Variants in SH3TC2 observed in about 807,000 individuals in gnomAD.
SH3TC2 encodes SH3 domain and tetratricopeptide repeat-containing protein 2.
In SH3TC2, 87 loss-of-function variants were observed where a neutral mutation model predicts 124.5. The ratio of observed to expected loss-of-function variants is 0.70; its 90% CI spans 0.59 to 0.84. SH3TC2 has a LOEUF of 0.84. SH3TC2 is among the 40% of genes least tolerant of loss of function. The pLI is 0.00. For missense variants in SH3TC2, 1,536 were observed against 1,566.4 expected (o/e 0.98, Z 0.33); for synonymous variants, 634 against 628.5 (o/e 1.01, Z -0.13).
chr5:149,019,841 A>G (rs934244860), intron 12 of SH3TC2, among the ~76,000 whole-genome samples: 2 of 152,156 alleles, frequency 1.3e-5, no homozygotes, highest in Non-Finnish European at 2.9e-5. Flanking sequence ...TGGTAGCTGG[A>G]AAAACCAGCA....
rs374572539 is a variant in SH3TC2 at position 149,027,377 on chromosome 5, C to T, written c.2355G>A (p.Val785=). Residue 785 remains valine (V), a synonymous_variant, in exon 11 of 17, where the codon GTG becomes GTA. Coordinates refer to ENST00000515425, the MANE Select transcript of SH3TC2 (RefSeq NM_024577.4). ...GAIHYLSQAL[V]LGQLLGEQES... ...CCTGCTCACCCAGCAGCTGCCCTAG[C>T]ACCAAGGCCTGGCTCAGGTAGTGGA... 3 of 1,614,014 alleles carry T rather than the reference C, an allele frequency of 1.9e-6. No individual in the cohort carries two copies. Among genetic ancestry groups the T allele is most frequent in the African/African-American group, 1.3e-5 (1 of 74,958 alleles).
rs999300054 is a variant in SH3TC2, at chr5:148,999,026, T to C, written c.*5685A>G. ...TAAGAATCTACTCAGTTCTGCTTCATTGTGACAGCTACCACCAATTGACAT... is the reference window on the plus strand; with the variant it reads ...TAAGAATCTACTCAGTTCTGCTTCACTGTGACAGCTACCACCAATTGACAT... On this transcript the variant is annotated 3_prime_UTR_variant, in exon 17 of 17. Transcript: ENST00000515425. Among the ~76,000 whole-genome samples, 2 of 152,232 alleles carry C rather than the reference T, an allele frequency of 1.3e-5. No individual in the cohort carries two copies. Among genetic ancestry groups the C allele is most frequent in the African/African-American group, 2.4e-5 (1 of 41,456 alleles).
At chr5:149,026,325 A>T (rs1445968720) in intron 12 of SH3TC2, 1 of 564,904 alleles carries the variant, frequency 1.8e-6, no homozygotes, top group African/African-American at 1.9e-5. Context: ...TAACACTATA[A>T]GATAGATGCC....
At chr5:149,050,212 G>A (rs193020412) in intron 2 of SH3TC2, among the ~76,000 whole-genome samples, 9 of 152,302 alleles carry the variant, frequency 5.9e-5, no homozygotes, top group Non-Finnish European at 1.2e-4. Flanking sequence ...TGCCCACAGT[G>A]GGATCCTACA....
At position 148,985,423 on chromosome 5, in the gene SH3TC2, C is replaced by T. The variant is rs1000351456; in HGVS notation, c.*19288G>A. On this transcript the variant is annotated 3_prime_UTR_variant, in exon 17 of 17. Transcript: ENST00000515425. The stretch of plus-strand genomic sequence containing the variant: ...TCACAGCACAGATCTGTTTGCTGAT[C>T]CTGTAGTTTTTAAAATGCCATATGG... Among the ~76,000 whole-genome samples the T allele has an allele frequency of 6.6e-5, 10 of 152,262 alleles. No individual in the cohort carries two copies. The highest frequency in any genetic ancestry group is 2.4e-4 in the African/African-American group (10 of 41,564).
At chr5:149,049,199 C>T (rs1399561514) in intron 2 of SH3TC2, among the ~76,000 whole-genome samples, 1 of 152,176 alleles carries the variant, frequency 6.6e-6, no homozygotes. Context: ...CCATGCAGTT[C>T]CTCCTAGGCT....
At position 149,006,895 on chromosome 5, in the gene SH3TC2, A is replaced by C; in HGVS notation, c.3661T>G (p.Phe1221Val). 2 of 1,613,812 alleles carry C rather than the reference A, an allele frequency of 1.2e-6. No homozygotes were observed. Among genetic ancestry groups the C allele is most frequent in the Non-Finnish European group, 1.7e-6 (2 of 1,179,984 alleles). The stretch of plus-strand genomic sequence containing the variant: ...CTGGCTCTTACCTTCAGCTGGCAGA[A>C]GGTGAGTCTGCCCAGGCGATAATAC... ...KVYYRLGRLT[F>V]CQLKDAHDAT... The change falls in exon 16 of 17, where the codon TTC becomes GTC. Residue 1221 changes from phenylalanine to valine, a missense_variant. Physicochemically the swap from Phe to Val is conservative, Grantham distance 50. Around this residue, in one of 3 missense-constraint regions of SH3TC2, gnomAD observed 426 missense variants for 443.5 expected, o/e 0.96. Transcript: ENST00000515425.
In SH3TC2 at chr5:148,986,697, G is replaced by A. The variant is rs1042272258; in HGVS notation, c.*18014C>T. 2.0e-5 allele frequency among the ~76,000 whole-genome samples: 3 copies of A among 152,190 alleles called. No individual in the cohort carries two copies. Among genetic ancestry groups the A allele is most frequent in the Middle Eastern group, 3.4e-3 (1 of 294 alleles). On this transcript the variant is annotated 3_prime_UTR_variant, in exon 17 of 17. Transcript: ENST00000515425. ...GACAAATTATTAAGCCACTTGTTAG[G>A]GTGACTTGTAGGCATCATAATAAGC... is the stretch of plus-strand genomic sequence containing the variant.
chr5:149,005,371 A>G (rs1354256798), intron 16 of SH3TC2, among the ~76,000 whole-genome samples: 1 of 152,226 alleles, frequency 6.6e-6, no homozygotes, highest in Non-Finnish European at 1.5e-5. Flanking sequence ...GAGTCAAGGA[A>G]TACAATGAGA....
At position 148,992,600 on chromosome 5, in the gene SH3TC2, G is replaced by GTTTTTT. The variant is rs35182601; in HGVS notation, c.*12105_*12110dup. The stretch of plus-strand genomic sequence containing the variant: ...ATAATTCCAAGAAGAGATTTCATTG[G>GTTTTTT]TTTTTTTTTTTTTTTTTTTTTTCAG... On this transcript the variant is annotated 3_prime_UTR_variant, in exon 17 of 17. Transcript: ENST00000515425. 3.9e-5 allele frequency among the ~76,000 whole-genome samples: 4 copies of GTTTTTT among 102,514 alleles called. No homozygotes were observed. Among genetic ancestry groups the GTTTTTT allele is most frequent in the African/African-American group, 7.3e-5 (2 of 27,510 alleles). The allele number at this position is 102,514 out of a possible 152,430, so 67.3% of individuals were successfully genotyped here.
chr5:149,040,890 GT>G (rs545273454), intron 6 of SH3TC2, among the ~76,000 whole-genome samples: 99 of 152,334 alleles, frequency 6.5e-4, no homozygotes, highest in African/African-American at 2.3e-3. Context: ...TCCGAAAGTA[GT>G]TTGTCAGTTA....
chr5:148,993,321 T>C lies in SH3TC2; in HGVS notation c.*11390A>G, dbSNP rs3213854. 0.52 allele frequency among the ~76,000 whole-genome samples: 79,397 copies of C among 151,922 alleles called. 22,079 individuals carry two copies. The highest frequency in any genetic ancestry group is 0.72 in the African/African-American group (29,797 of 41,454). On this transcript the variant is annotated 3_prime_UTR_variant, in exon 17 of 17. Transcript: ENST00000515425. ...CAGTGGCAGAAGCTAAAATTTGACCTAAATAAATTATTGTCAATAAATTAT... is the reference window on the plus strand; with the variant it reads ...CAGTGGCAGAAGCTAAAATTTGACCCAAATAAATTATTGTCAATAAATTAT...
chr5:149,019,683 T>C (rs188350503), intron 12 of SH3TC2, among the ~76,000 whole-genome samples: 4 of 152,356 alleles, frequency 2.6e-5, no homozygotes, highest in African/African-American at 9.6e-5. Context: ...CTCTGGATAT[T>C]AACCAAAGGT....
intron 1 of SH3TC2, among the ~76,000 whole-genome samples, chr5:149,060,098 A>G (rs1415919868): frequency 6.6e-6 from 1 of 152,220 alleles, no homozygotes; most frequent in Non-Finnish European, 1.5e-5. Context: ...GGTTGAAAGG[A>G]AAGTTACAAG....
rs926994815 is a variant in SH3TC2 at position 148,995,839 on chromosome 5, A to T, written c.*8872T>A. Among the ~76,000 whole-genome samples, 4 of 152,100 alleles carry T rather than the reference A, an allele frequency of 2.6e-5. No homozygotes were observed. The highest frequency in any genetic ancestry group is 5.9e-5 in the Non-Finnish European group (4 of 68,014). On this transcript the variant is annotated 3_prime_UTR_variant, in exon 17 of 17. Coordinates refer to ENST00000515425, the MANE Select transcript of SH3TC2 (RefSeq NM_024577.4). ...GCACATGGATTATTAAAATAAAAAA[A>T]CTCACATAAAGTACACTTTTAAACT...
intron 5 of SH3TC2, among the ~76,000 whole-genome samples, chr5:149,042,309 A>C (rs79560634): frequency 6.6e-6 from 1 of 152,168 alleles, no homozygotes; most frequent in East Asian, 1.9e-4. Context: ...TTTATTTTAC[A>C]ATCAAATTTT....
chr5:149,051,102 T>G (rs1169353666), intron 2 of SH3TC2, among the ~76,000 whole-genome samples: 1 of 152,224 alleles, frequency 6.6e-6, no homozygotes, highest in East Asian at 1.9e-4. Context: ...AATCAAGTCT[T>G]CTACAGGTTT....
At chr5:149,059,379 T>A (rs1754706434) in intron 1 of SH3TC2, among the ~76,000 whole-genome samples, 5 of 152,196 alleles carry the variant, frequency 3.3e-5, no homozygotes, top group African/African-American at 1.2e-4. Flanking sequence ...AAAATGAGAA[T>A]TCACCTTCAT....
At position 148,988,261 on chromosome 5, in the gene SH3TC2, C is replaced by T. The variant is rs1027805686; in HGVS notation, c.*16450G>A. Among the ~76,000 whole-genome samples, 1 of 152,166 alleles carries T rather than the reference C, an allele frequency of 6.6e-6. No individual in the cohort carries two copies. Among genetic ancestry groups the T allele is most frequent in the Non-Finnish European group, 1.5e-5 (1 of 68,030 alleles). ...GACATGAAAATCATTATCAAAAATC[C>T]TACCCCAGATGGGAATGTTATCTGG... On this transcript the variant is annotated 3_prime_UTR_variant, in exon 17 of 17. Transcript: ENST00000515425.
Sources: allele counts gnomAD v4.1 joint callset (sites outside exome capture counted in the v4.1 genomes callset), GRCh38; gene constraint gnomAD v4.1.1; regional missense constraint gnomAD v4.1.1; transcripts MANE v1.5; gene names NCBI Gene and HGNC (gene_info 2026-07-23, HGNC 2026-07-21).